The following TGFB1 variants were observed in gnomAD, a reference collection of about 807,000 sequenced individuals.
The protein encoded by TGFB1 is transforming growth factor beta 1.
A neutral mutation model predicts 43.8 loss-of-function variants in TGFB1; 19 were observed. The ratio of observed to expected loss-of-function variants is 0.43; its 90% CI spans 0.30 to 0.64. The LOEUF is 0.64. TGFB1 is among the 30% of genes least tolerant of loss of function. TGFB1 has a pLI of 0.11. For synonymous variants in TGFB1, 221 were observed against 236.3 expected, an observed-to-expected ratio of 0.94 and a Z score of 0.60; for missense variants, 445 against 529.8, an observed-to-expected ratio of 0.84 and a Z score of 1.57.
chr19:41,337,957 C>G (rs973921336), intron 5 of TGFB1, among the ~76,000 whole-genome samples: 1 of 151,694 alleles, frequency 6.6e-6, no homozygotes, highest in Non-Finnish European at 1.5e-5. Context: ...TTTGGGAGGC[C>G]GAGGCTGATG....
Position 41,331,212 on chromosome 19 carries a change from T to G in TGFB1, c.1015-2A>C, listed in dbSNP as rs1312146764. 2.0e-6 allele frequency: 3 copies of G among 1,513,792 alleles called. No homozygotes were observed. The Admixed American group carries it at 6.2e-5, about 31-fold the overall frequency. The allele number at this position is 1,513,792 out of a possible 1,614,324, so 93.8% of individuals were successfully genotyped here. A position where few individuals can be genotyped will look rare whatever the true frequency, so the allele number is the denominator to read the frequency against. On this transcript the variant is annotated splice_acceptor_variant, in intron 6 of 6. Transcript: ENST00000221930. LOFTEE classifies it high-confidence loss of function. Reference sequence around the variant, plus strand: ...ATGCTGGTTGTACAGGGCCAGGACCTGCGGGCGGCGGGCGGGGTCAGGGCT... The same window carrying G: ...ATGCTGGTTGTACAGGGCCAGGACCGGCGGGCGGCGGGCGGGGTCAGGGCT...
chr19:41,339,811 G>A (rs984983867), intron 5 of TGFB1, among the ~76,000 whole-genome samples: 15 of 152,164 alleles, frequency 9.9e-5, no homozygotes, highest in East Asian at 7.8e-4. Flanking sequence ...GCAACAGAGC[G>A]AGACTCTGTC....
rs1229642135 is a variant in TGFB1, at chr19:41,333,268, A to G, written c.861-987T>C. 1.3e-4 allele frequency among the ~76,000 whole-genome samples: 17 copies of G among 129,960 alleles called. No homozygotes were observed. In the East Asian group the frequency reaches 3.2e-3, roughly 24 times the overall value. 85.3% of individuals were successfully genotyped at this position (129,960 alleles called of 152,430 possible). A position where few individuals can be genotyped will look rare whatever the true frequency, so the allele number is the denominator to read the frequency against. ...CACTCTGTCTGCCAGGCTGGAGTGC[A>G]GTGGCATGATCTCGGCTCACTGCAA... On this transcript the variant is annotated intron_variant, in intron 5 of 6. Transcript: ENST00000221930.
At chr19:41,337,084 A>C (rs1196254099) in intron 5 of TGFB1, among the ~76,000 whole-genome samples, 1 of 151,880 alleles carries the variant, frequency 6.6e-6, no homozygotes, top group Non-Finnish European at 1.5e-5. Context: ...CAGTCTCCCA[A>C]GTAGCTAAGA....
intron 2 of TGFB1, among the ~76,000 whole-genome samples, chr19:41,345,551 T>C (rs778921259): frequency 9.9e-5 from 15 of 152,202 alleles, no homozygotes; most frequent in Non-Finnish European, 1.5e-4. Context: ...TGGGGTTTAC[T>C]GAGCATACGG....
chr19:41,335,994 G>GT (rs373830946), intron 5 of TGFB1, among the ~76,000 whole-genome samples: 9,678 of 134,898 alleles, frequency 0.072, 869 homozygotes, highest in African/African-American at 0.2. Flanking sequence ...TCCTATGAAA[G>GT]TTTTTTTTTT....
chr19:41,342,388 CTCT>C, intron 3 of TGFB1, 141 bp from the exon 4 acceptor site: 41 of 566,100 alleles, frequency 7.2e-5, no homozygotes, highest in East Asian at 1.3e-4. Flanking sequence ...CTGCAGCTCT[CTCT>C]TTTTTTTTTT....
intron 5 of TGFB1, among the ~76,000 whole-genome samples, chr19:41,341,549 G>T (rs934811971): frequency 1.6e-4 from 24 of 150,758 alleles, no homozygotes; most frequent in African/African-American, 5.9e-4. Flanking sequence ...TTGTGGCTGG[G>T]ATTATAGGCG....
chr19:41,350,962 G>A (rs1289938161), intron 1 of TGFB1: 2 of 152,536 alleles, frequency 1.3e-5, no homozygotes, highest in African/African-American at 4.8e-5. Flanking sequence ...GGAGATGTCA[G>A]AGACGGAGAC....
chr19:41,340,347 C>T (rs1421211067), intron 5 of TGFB1, among the ~76,000 whole-genome samples: 1 of 151,590 alleles, frequency 6.6e-6, no homozygotes, highest in African/African-American at 2.4e-5. Flanking sequence ...ACCTCCACCC[C>T]CGAGGTTCCA....
At chr19:41,349,528 G>T (rs902622451) in intron 1 of TGFB1, among the ~76,000 whole-genome samples, 1 of 152,172 alleles carries the variant, frequency 6.6e-6, no homozygotes, top group Non-Finnish European at 1.5e-5. Context: ...AGGCCGAGGT[G>T]GATTGATTAC....
Position 41,352,991 on chromosome 19 carries a change from T to C in TGFB1, c.54A>G (p.Leu18=). 2 of 1,538,758 alleles carry C rather than the reference T, an allele frequency of 1.3e-6. No homozygotes were observed. Among genetic ancestry groups the C allele is most frequent in the Non-Finnish European group, 8.7e-7 (1 of 1,146,316 alleles). Residue 18 remains leucine (L), a synonymous_variant, in exon 1 of 7, where the codon CTA becomes CTG. Coordinates refer to ENST00000221930, the MANE Select transcript of TGFB1 (RefSeq NM_000660.7). The part of the protein sequence containing the change: ...LLPLLLPLLW[L]LVLTPGRPAA... ...CCGGCCGGCCAGGCGTCAGCACCAG[T>C]AGCCACAGCAGCGGTAGCAGCAGCG... is the stretch of plus-strand genomic sequence containing the variant.
intron 1 of TGFB1, among the ~76,000 whole-genome samples, chr19:41,351,469 T>A (rs1262810913): frequency 6.6e-6 from 1 of 152,114 alleles, no homozygotes; most frequent in Non-Finnish European, 1.5e-5. Context: ...CTGCCCCGTC[T>A]CGCCCCGGGC....
intron 4 of TGFB1, 38 bp downstream of exon 4, chr19:41,342,132 A>G (rs201676908): frequency 3.1e-6 from 5 of 1,611,820 alleles, no homozygotes; most frequent in African/African-American, 1.3e-5. Flanking sequence ...ACACGCACAC[A>G]CGTCACAACT....
In TGFB1 at chr19:41,342,261, G is replaced by C. The variant is rs1755114499; in HGVS notation, c.635-14C>G. On this transcript the variant is annotated splice_polypyrimidine_tract_variant and intron_variant, in intron 3 of 6. Transcript: ENST00000221930. ...CCTCAATTTCCCCTGTAGGAGTGGCGAGAGGGAAGCCAGTCTGAGAGTGCA... is the reference window on the plus strand; with the variant it reads ...CCTCAATTTCCCCTGTAGGAGTGGCCAGAGGGAAGCCAGTCTGAGAGTGCA... The C allele has an allele frequency of 1.3e-6, 2 of 1,582,628 alleles. No individual in the cohort carries two copies. The highest frequency in any genetic ancestry group is 1.7e-6 in the Non-Finnish European group (2 of 1,165,352).
intron 5 of TGFB1, among the ~76,000 whole-genome samples, chr19:41,341,116 G>A (rs1281658057): frequency 6.6e-6 from 1 of 152,022 alleles, no homozygotes; most frequent in East Asian, 1.9e-4. Context: ...CGGATCACGA[G>A]GTCAGGAGAT....
At chr19:41,347,174 C>T (rs1209813009) in intron 2 of TGFB1, among the ~76,000 whole-genome samples, 2 of 152,138 alleles carry the variant, frequency 1.3e-5, no homozygotes, top group Non-Finnish European at 2.9e-5. Flanking sequence ...AGGCACGCAT[C>T]ACCATAACAG....
At chr19:41,332,772 A>G (rs2037947681) in intron 5 of TGFB1, among the ~76,000 whole-genome samples, 1 of 152,214 alleles carries the variant, frequency 6.6e-6, no homozygotes, top group Non-Finnish European at 1.5e-5. Flanking sequence ...GGGAGGATGA[A>G]GTGGGAGGAT....
At position 41,330,926 on chromosome 19, in the gene TGFB1, C is replaced by G; in HGVS notation, c.*126G>C. ...CAGAGATCCGCAGTCCTCTCTCCAT[C>G]TTTAATGGGGCCCCAGGTGGGCTTG... On this transcript the variant is annotated 3_prime_UTR_variant, in exon 7 of 7. Transcript: ENST00000221930. 1 of 831,508 alleles carries G rather than the reference C, an allele frequency of 1.2e-6. No homozygotes were observed. The highest frequency in any genetic ancestry group is 1.7e-6 in the Non-Finnish European group (1 of 574,692). 51.5% of individuals were successfully genotyped at this position (831,508 alleles called of 1,614,324 possible). A position where few individuals can be genotyped will look rare whatever the true frequency, so the allele number is the denominator to read the frequency against.
Sources: allele counts gnomAD v4.1 joint callset (sites outside exome capture counted in the v4.1 genomes callset), GRCh38; gene constraint gnomAD v4.1.1; transcripts MANE v1.5; gene names NCBI Gene and HGNC (gene_info 2026-07-23, HGNC 2026-07-21).